Variants in NEK11 observed in about 807,000 individuals in gnomAD.
NEK11 encodes the protein serine/threonine-protein kinase Nek11.
NEK11 carries 72 observed loss-of-function variants against 80.7 expected under a neutral mutation model. The ratio of observed to expected loss-of-function variants is 0.89; its 90% CI spans 0.74 to 1.08. NEK11 has a LOEUF of 1.08. NEK11 is among the 50% of genes least tolerant of loss of function. The pLI, the probability that NEK11 is intolerant of heterozygous loss-of-function variation, is 0.00. For missense variants in NEK11, 764 were observed against 763.6 expected (o/e 1.00, Z -0.01); for synonymous variants, 251 against 260.7 (o/e 0.96, Z 0.36).
chr3:131,255,432 A>T (rs1290186760), intron 16 of NEK11, among the ~76,000 whole-genome samples: 2 of 152,124 alleles, frequency 1.3e-5, no homozygotes, highest in East Asian at 1.9e-4. Flanking sequence ...ATCGTACTTT[A>T]AAAAAATAAA....
chr3:131,305,789 G>A (rs1387060125), intron 17 of NEK11, among the ~76,000 whole-genome samples: 1 of 152,108 alleles, frequency 6.6e-6, no homozygotes, highest in African/African-American at 2.4e-5. Flanking sequence ...CTGGGGCTAG[G>A]AATGAGTCTT....
rs186601480 is a variant in NEK11, at chr3:131,311,581, G to A, written c.1719-37976G>A. On this transcript the variant is annotated intron_variant, in intron 17 of 17. Coordinates refer to ENST00000383366, the MANE Select transcript of NEK11 (RefSeq NM_024800.5). ...GTTTATTATGAACCTTGAATTAAATGCAACAAAGCAAATAGAAGCACCTTG... is the reference window on the plus strand; with the variant it reads ...GTTTATTATGAACCTTGAATTAAATACAACAAAGCAAATAGAAGCACCTTG... Among the ~76,000 whole-genome samples the A allele has an allele frequency of 2.1e-3, 316 of 152,318 alleles. 3 individuals are homozygous for A. Among genetic ancestry groups the A allele is most frequent in the African/African-American group, 7.0e-3 (292 of 41,586 alleles).
chr3:131,316,420 C>T (rs17334851), intron 17 of NEK11, among the ~76,000 whole-genome samples: 14,034 of 152,168 alleles, frequency 0.092, 707 homozygotes, highest in Non-Finnish European at 0.1. Flanking sequence ...ACCTATTTCT[C>T]GAATGCAAGT....
In NEK11 at chr3:131,271,362, C is replaced by A. The variant is rs147934850; in HGVS notation, c.1622-2116C>A. Among the ~76,000 whole-genome samples the A allele has an allele frequency of 3.9e-5, 6 of 152,284 alleles. No individual in the cohort carries two copies. The East Asian group carries it at 1.2e-3, about 29-fold the overall frequency. ...TCCAAGGAAAGATCAGAGACTTTGG[C>A]ACAGAATTAAGCTGGAGAATATTCA... On this transcript the variant is annotated intron_variant, in intron 16 of 17. Transcript: ENST00000383366.
intron 7 of NEK11, among the ~76,000 whole-genome samples, chr3:131,152,184 T>C (rs910226801): frequency 1.4e-4 from 22 of 151,994 alleles, no homozygotes; most frequent in South Asian, 2.1e-4. Context: ...TTTTGTGCTT[T>C]ATTCTTTCAC....
At chr3:131,081,621 A>T (rs1413596784) in intron 4 of NEK11, among the ~76,000 whole-genome samples, 1 of 152,194 alleles carries the variant, frequency 6.6e-6, no homozygotes, top group Non-Finnish European at 1.5e-5. Flanking sequence ...TATCTCCCAG[A>T]ATATTATGGA....
chr3:131,078,827 G>T (rs543398493), intron 3 of NEK11, among the ~76,000 whole-genome samples: 1 of 149,540 alleles, frequency 6.7e-6, no homozygotes, highest in South Asian at 2.1e-4. Context: ...CCAGTTTTTG[G>T]CTGTATAGCC....
chr3:131,163,483 C>A (rs1478599363), intron 11 of NEK11, among the ~76,000 whole-genome samples: 1 of 151,922 alleles, frequency 6.6e-6, no homozygotes, highest in Non-Finnish European at 1.5e-5. Context: ...GAGAAATAAG[C>A]CAGGCATAGA....
intron 4 of NEK11, among the ~76,000 whole-genome samples, chr3:131,083,558 A>G (rs2075589312): frequency 6.6e-6 from 1 of 152,188 alleles, no homozygotes; most frequent in African/African-American, 2.4e-5. Flanking sequence ...CCTTTTTATT[A>G]AGGTAAAATA....
In NEK11 at chr3:131,349,742, T is replaced by C. The variant is rs367863917; in HGVS notation, c.1904T>C (p.Met635Thr). The C allele has an allele frequency of 6.6e-5, 106 of 1,613,996 alleles. No homozygotes were observed. Among genetic ancestry groups the C allele is most frequent in the Non-Finnish European group, 7.6e-6 (9 of 1,180,002 alleles). Reference sequence around the variant, plus strand: ...TTTGAAGAGCAGTTGCTGATCACGATGGGAAAAGAACCTACTCTCCAGAAC... The same window carrying C: ...TTTGAAGAGCAGTTGCTGATCACGACGGGAAAAGAACCTACTCTCCAGAAC... ...LYFEEQLLITMGKEPTLQNHL is the reference protein window; with the variant it reads ...LYFEEQLLITTGKEPTLQNHL Residue 635 changes from methionine to threonine, a missense_variant, in exon 18 of 18, where the codon ATG becomes ACG. Coordinates refer to ENST00000383366, the MANE Select transcript of NEK11 (RefSeq NM_024800.5).
chr3:131,318,287 CCATT>C (rs910206957), intron 17 of NEK11, among the ~76,000 whole-genome samples: 52 of 151,994 alleles, frequency 3.4e-4, no homozygotes, highest in African/African-American at 1.2e-3. Context: ...CAAATATATC[CCATT>C]CATTATTTCC....
chr3:131,103,081 T>C (rs2078644155), intron 4 of NEK11, among the ~76,000 whole-genome samples: 2 of 152,202 alleles, frequency 1.3e-5, no homozygotes, highest in Admixed American at 1.3e-4. Flanking sequence ...TACTAATTCC[T>C]TGGAATCCTT....
intron 5 of NEK11, among the ~76,000 whole-genome samples, chr3:131,126,959 C>CTTTTTTTTTTTTTTTTTTTTT (rs71133688): frequency 2.2e-5 from 2 of 90,118 alleles, no homozygotes; most frequent in South Asian, 3.8e-4. Context: ...TTCTTTCTTT[C>CTTTTTTTTTTTTTTTTTTTTT]TTTTTTTTTT....
intron 4 of NEK11, among the ~76,000 whole-genome samples, chr3:131,105,922 A>C (rs987876026): frequency 2.0e-5 from 3 of 152,214 alleles, no homozygotes; most frequent in Middle Eastern, 3.2e-3. Context: ...TAACAGAACA[A>C]TTCACATCCT....
At chr3:131,286,196 G>A (rs573634510) in intron 17 of NEK11, among the ~76,000 whole-genome samples, 1 of 152,252 alleles carries the variant, frequency 6.6e-6, no homozygotes, top group African/African-American at 2.4e-5. Context: ...CTGCTTCCAA[G>A]CAAACAATCC....
intron 17 of NEK11, among the ~76,000 whole-genome samples, chr3:131,341,286 C>A (rs975719509): frequency 6.6e-6 from 1 of 151,956 alleles, no homozygotes; most frequent in Non-Finnish European, 1.5e-5. Context: ...TGTTTTTGAC[C>A]CGTAATTTAT....
rs114629744 is a variant in NEK11, at chr3:131,173,854, C to T, written c.1399+2967C>T. On this transcript the variant is annotated intron_variant, in intron 14 of 17. Coordinates refer to ENST00000383366, the MANE Select transcript of NEK11 (RefSeq NM_024800.5). ...TATGGTAGACAGTGTGTTGATTTAC[C>T]AGCCAGACTGGAAATCGTCAAATCT... is the stretch of plus-strand genomic sequence containing the variant. Among the ~76,000 whole-genome samples the T allele has an allele frequency of 3.2e-3, 482 of 152,110 alleles. 1 individual carries two copies. The highest frequency in any genetic ancestry group is 0.011 in the African/African-American group (456 of 41,476).
chr3:131,141,564 G>A (rs965995864), intron 7 of NEK11, among the ~76,000 whole-genome samples: 2 of 152,178 alleles, frequency 1.3e-5, no homozygotes, highest in Non-Finnish European at 2.9e-5. Context: ...AAATGAGGTG[G>A]TATATGTTAA....
At chr3:131,067,846 T>C (rs534967756) in intron 3 of NEK11, among the ~76,000 whole-genome samples, 83 of 152,342 alleles carry the variant, frequency 5.4e-4, no homozygotes, top group African/African-American at 2.0e-3. Context: ...GTGCAAACTA[T>C]AGTTTAAAGA....
Sources: gnomAD v4.1 joint callset for allele counts (sites outside exome capture counted in the v4.1 genomes callset) on GRCh38, gnomAD v4.1.1 for gene constraint, MANE v1.5 for transcripts, NCBI Gene and HGNC (gene_info 2026-07-23, HGNC 2026-07-21) for gene names.